The following MYH10 variants were observed in gnomAD, a reference collection of about 807,000 sequenced individuals.
MYH10 encodes myosin heavy chain 10, also known as myosin-10.
A neutral mutation model predicts 257.8 loss-of-function variants in MYH10; 55 were observed. The ratio of observed to expected loss-of-function variants is 0.21; its 90% CI spans 0.17 to 0.27. The LOEUF (loss-of-function observed/expected upper bound fraction) is 0.27, where lower values mean the gene tolerates loss of function less well. Ranked by LOEUF, MYH10 falls within the 10% of genes least tolerant of loss-of-function variation. The pLI is 1.00. For synonymous variants in MYH10, 854 were observed against 921.7 expected (o/e 0.93, Z 1.33); for missense variants, 1,631 against 2,500.6 (o/e 0.65, Z 7.42).
chr17:8,541,696 G>A (rs2082292581), intron 14 of MYH10, among the ~76,000 whole-genome samples: 1 of 151,874 alleles, frequency 6.6e-6, no homozygotes. Flanking sequence ...AAACATCTTT[G>A]TACTTTAAAA....
At chr17:8,507,524 G>T (rs1237831332) in intron 26 of MYH10, among the ~76,000 whole-genome samples, 2 of 152,206 alleles carry the variant, frequency 1.3e-5, no homozygotes, top group South Asian at 2.1e-4. Context: ...GTATCTGCCA[G>T]CTTTTATGTC....
Position 8,475,847 on chromosome 17 carries a change from T to C in MYH10, c.5981A>G (p.Lys1994Arg). 6.2e-7 allele frequency: 1 copy of C among 1,614,220 alleles called. No homozygotes were observed. Among genetic ancestry groups the C allele is most frequent in the Non-Finnish European group, 8.5e-7 (1 of 1,180,044 alleles). ...CTGCGTCTCGTTGACATCACTGGTC[T>C]TACTTTCTGTGTCATCGTCGGAGAG... ...LELSDDDTES[K>R]TSDVNETQPP... Residue 1994 changes from lysine to arginine, a missense_variant, in exon 43 of 43, where the codon AAG becomes AGG. By Grantham distance (26) the Lys-to-Arg change is conservative. Around this residue, in one of 11 missense-constraint regions of MYH10, gnomAD observed 343 missense variants for 389.5 expected, o/e 0.88. Transcript: ENST00000360416.
Position 8,535,013 on chromosome 17 carries a change from T to C in MYH10, c.1894+374A>G, listed in dbSNP as rs1307399768. 6.6e-6 allele frequency among the ~76,000 whole-genome samples: 1 copy of C among 152,146 alleles called. No homozygotes were observed. The highest frequency in any genetic ancestry group is 2.4e-5 in the African/African-American group (1 of 41,434). ...TGCGGGTGGTGAGGAAGGACGGAGC[T>C]CAGCAGGCCTGACACAGGGAAAATG... is the stretch of plus-strand genomic sequence containing the variant. On this transcript the variant is annotated intron_variant, in intron 16 of 42. Coordinates refer to ENST00000360416, the MANE Select transcript of MYH10 (RefSeq NM_001256012.3). The surrounding 1 kb of genome is among the most constrained non-coding windows in gnomAD (Gnocchi z 4.3).
intron 4 of MYH10, among the ~76,000 whole-genome samples, chr17:8,578,399 C>T (rs1054890661): frequency 5.3e-5 from 8 of 151,906 alleles, no homozygotes; most frequent in East Asian, 3.9e-4. Flanking sequence ...CACGCCACCA[C>T]GCCTGGCTAA....
At chr17:8,564,628 T>C (rs546687480) in intron 7 of MYH10, among the ~76,000 whole-genome samples, 51 of 152,316 alleles carry the variant, frequency 3.3e-4, no homozygotes, top group African/African-American at 1.2e-3. Flanking sequence ...TTTTGACCAC[T>C]GGTATATTCC....
intron 23 of MYH10, among the ~76,000 whole-genome samples, chr17:8,513,239 C>T (rs1199739914): frequency 6.6e-6 from 1 of 152,118 alleles, no homozygotes; most frequent in Non-Finnish European, 1.5e-5. Context: ...GGTGACAGTA[C>T]CGGGAACCTC....
intron 2 of MYH10, among the ~76,000 whole-genome samples, chr17:8,614,776 C>A (rs2152094326): frequency 6.6e-6 from 1 of 152,020 alleles, no homozygotes; most frequent in East Asian, 1.9e-4. Flanking sequence ...ATATAGAGGA[C>A]CAACAAAGTC....
intron 26 of MYH10, among the ~76,000 whole-genome samples, chr17:8,507,814 A>G (rs2081122447): frequency 6.6e-6 from 1 of 152,132 alleles, no homozygotes; most frequent in Non-Finnish European, 1.5e-5. Flanking sequence ...TCTACTAAAA[A>G]TACAAAATTA....
intron 9 of MYH10, among the ~76,000 whole-genome samples, chr17:8,551,050 C>T (rs1191391848): frequency 2.0e-5 from 3 of 150,970 alleles, no homozygotes; most frequent in Non-Finnish European, 4.4e-5. Context: ...GACCTTTGTT[C>T]ACTTGTTTAT....
chr17:8,500,911 T>A lies in MYH10; in HGVS notation c.3659A>T (p.Asn1220Ile). The A allele has an allele frequency of 2.5e-6, 4 of 1,614,186 alleles. No homozygotes were observed. The highest frequency in any genetic ancestry group is 2.5e-6 in the Non-Finnish European group (3 of 1,180,034). Residue 1220 changes from asparagine to isoleucine, a missense_variant, in exon 29 of 43, where the codon AAC (asparagine) becomes ATC (isoleucine). Coordinates refer to ENST00000360416, the MANE Select transcript of MYH10 (RefSeq NM_001256012.3). The stretch of plus-strand genomic sequence containing the variant: ...CATGTCCTGGATTTGAGCTTCATGG[T>A]TCTTAGTTTCCTCCTCAAGAGCTTT... The part of the protein sequence containing the change: ...LKKALEEETK[N>I]HEAQIQDMRQ...
In MYH10 at chr17:8,554,082, T is replaced by G. The variant is rs2082717109; in HGVS notation, c.757-64A>C. ...AGTACATACTGGATATGAACACTAA[T>G]AAACTAAGAAGACAACAAGTATCCA... On this transcript the variant is annotated intron_variant, in intron 7 of 42. Transcript: ENST00000360416. 5.4e-6 allele frequency: 6 copies of G among 1,120,696 alleles called. No homozygotes were observed. The Admixed American group carries it at 1.1e-4, about 20-fold the overall frequency. The allele number at this position is 1,120,696 out of a possible 1,614,324, so 69.4% of individuals were successfully genotyped here.
chr17:8,546,137 C>G (rs143023556), intron 12 of MYH10, among the ~76,000 whole-genome samples: 6 of 151,816 alleles, frequency 4.0e-5, no homozygotes, highest in Non-Finnish European at 8.8e-5. Flanking sequence ...CAGCTCACTA[C>G]AACCTCCGCC....
In MYH10 at chr17:8,569,890, A is replaced by C; in HGVS notation, c.664-78T>G. 1.8e-6 allele frequency: 2 copies of C among 1,092,560 alleles called. No homozygotes were observed. Among genetic ancestry groups the C allele is most frequent in the South Asian group, 3.4e-5 (2 of 58,890 alleles). 67.7% of individuals were successfully genotyped at this position (1,092,560 alleles called of 1,614,324 possible). A position where few individuals can be genotyped will look rare whatever the true frequency, so the allele number is the denominator to read the frequency against. ...TCTTTACTCAAGTCATCAGGGGAAA[A>C]ATTTCTAAAAAAGAAACTGCATCTT... is the stretch of plus-strand genomic sequence containing the variant. On this transcript the variant is annotated intron_variant, in intron 6 of 42. Transcript: ENST00000360416. This position sits in a 1 kb window ranked among gnomAD's most constrained non-coding sequence, Gnocchi z 4.1.
chr17:8,575,455 C>T (rs1398271777), intron 6 of MYH10, among the ~76,000 whole-genome samples: 1 of 152,074 alleles, frequency 6.6e-6, no homozygotes, highest in Non-Finnish European at 1.5e-5. Flanking sequence ...TTTTAAATAC[C>T]CTACAGGATA....
chr17:8,499,223 G>A (rs941239452), intron 30 of MYH10, 47 bp downstream of exon 30: 3 of 1,568,164 alleles, frequency 1.9e-6, no homozygotes, highest in Non-Finnish European at 1.7e-6. Context: ...GGTAAATTAG[G>A]GACATGCTAC....
rs182897830 is a variant in MYH10, at chr17:8,591,695, C to T, written c.503-2587G>A. ...GGCGTTCTTCCTGCGTCTGTACATG[C>T]TATTATCAATGTCTAAAATTTGAGA... On this transcript the variant is annotated intron_variant, in intron 3 of 42. Transcript: ENST00000360416. Among the ~76,000 whole-genome samples, 637 of 148,644 alleles carry T rather than the reference C, an allele frequency of 4.3e-3. 2 individuals are homozygous for T. Among genetic ancestry groups the T allele is most frequent in the South Asian group, 0.016 (73 of 4,638 alleles).
Position 8,530,638 on chromosome 17 carries a change from G to A in MYH10, c.1942C>T (p.Leu648Phe). 1.3e-6 allele frequency: 2 copies of A among 1,542,276 alleles called. No individual in the cohort carries two copies. The highest frequency in any genetic ancestry group is 1.8e-6 in the Non-Finnish European group (2 of 1,142,044). The stretch of plus-strand genomic sequence containing the variant: ...ATACATTCACCTGGTGGCTCATGAA[G>A]ACCAGAAACACTGTCATAGAAAGAA... ...RASFYDSVSG[L>F]HEPPVDRIVG... is the part of the protein sequence containing the mutation. Residue 648 changes from leucine to phenylalanine, a missense_variant, in exon 17 of 43, where the codon CTT becomes TTT. By Grantham distance (22) the Leu-to-Phe change is conservative. This residue lies in a region of MYH10 where 96 missense variants were observed against 146.2 expected (regional missense o/e 0.66). Coordinates refer to ENST00000360416, the MANE Select transcript of MYH10 (RefSeq NM_001256012.3).
chr17:8,592,933 C>CAA (rs1555612260), intron 3 of MYH10, among the ~76,000 whole-genome samples: 1 of 44,712 alleles, frequency 2.2e-5, no homozygotes, highest in Non-Finnish European at 4.5e-5. Flanking sequence ...TCAAATCCAG[C>CAA]TATATATATA....
At position 8,573,864 on chromosome 17, in the gene MYH10, C is replaced by T. The variant is rs542275522; in HGVS notation, c.663+2779G>A. 276 of 970,354 alleles carry T rather than the reference C, an allele frequency of 2.8e-4. 1 individual carries two copies. Among genetic ancestry groups the T allele is most frequent in the Middle Eastern group, 1.0e-3 (2 of 1,910 alleles). The allele number at this position is 970,354 out of a possible 1,614,324, so 60.1% of individuals were successfully genotyped here. Reference sequence around the variant, plus strand: ...GGTAAACATAAAAGACTGACCACACCGCTCACTAGGATGGCTTTAATAAAA... The same window carrying T: ...GGTAAACATAAAAGACTGACCACACTGCTCACTAGGATGGCTTTAATAAAA... On this transcript the variant is annotated intron_variant, in intron 6 of 42. Coordinates refer to ENST00000360416, the MANE Select transcript of MYH10 (RefSeq NM_001256012.3).
Sources: allele counts gnomAD v4.1 joint callset (sites outside exome capture counted in the v4.1 genomes callset), GRCh38; gene constraint gnomAD v4.1.1; regional missense constraint gnomAD v4.1.1; non-coding constraint Gnocchi (gnomAD v3.1); transcripts MANE v1.5; gene names NCBI Gene and HGNC (gene_info 2026-07-23, HGNC 2026-07-21).